GNA14: variants seen among roughly 807,000 people sequenced by gnomAD.
The protein encoded by GNA14 is G protein subunit alpha 14, also known as guanine nucleotide-binding protein subunit alpha-14.
Under a neutral mutation model 42.0 loss-of-function variants are expected in GNA14, and 50 were observed. That is an observed-to-expected ratio of 1.19 (90% CI 0.95 to 1.51). The LOEUF (loss-of-function observed/expected upper bound fraction) is 1.51. Among genes scored for constraint, GNA14 ranks in the 40% most tolerant of loss-of-function variants. GNA14 has a pLI of 0.00. For missense variants in GNA14, 473 were observed against 446.2 expected (o/e 1.06, Z -0.54); for synonymous variants, 173 against 163.1 (o/e 1.06, Z -0.46).
intron 1 of GNA14, chr9:77,580,287 A>G: frequency 3.2e-6 from 1 of 315,004 alleles, no homozygotes; most frequent in South Asian, 3.0e-5. Flanking sequence ...ATCCAGCTTC[A>G]TTCAACATTA....
chr9:77,478,718 T>G (rs1458545842), intron 2 of GNA14, among the ~76,000 whole-genome samples: 1 of 152,162 alleles, frequency 6.6e-6, no homozygotes. Flanking sequence ...ATGATTGCCA[T>G]TCTAACTGGT....
chr9:77,633,579 T>C (rs1463383313), intron 1 of GNA14, among the ~76,000 whole-genome samples: 1 of 152,066 alleles, frequency 6.6e-6, no homozygotes, highest in Non-Finnish European at 1.5e-5. Flanking sequence ...GCAGAGTGAA[T>C]AGTGAATTTG....
At chr9:77,493,026 A>AAAAAAAAT (rs1554691641) in intron 2 of GNA14, among the ~76,000 whole-genome samples, 9 of 51,718 alleles carry the variant, frequency 1.7e-4, no homozygotes, top group African/African-American at 9.0e-4. Flanking sequence ...AAAAAAAAAA[A>AAAAAAAAT]ATATATATAT....
chr9:77,605,443 T>C (rs1823631830), intron 1 of GNA14, among the ~76,000 whole-genome samples: 1 of 152,174 alleles, frequency 6.6e-6, no homozygotes, highest in South Asian at 2.1e-4. Context: ...AAGGTCACTC[T>C]CACCTTCCTC....
chr9:77,606,766 T>A (rs1457285766), intron 1 of GNA14, among the ~76,000 whole-genome samples: 4 of 152,176 alleles, frequency 2.6e-5, no homozygotes, highest in Non-Finnish European at 5.9e-5. Context: ...ATGAGCGGAA[T>A]GTTTATGTCC....
At chr9:77,559,044 T>C (rs1822837892) in intron 1 of GNA14, among the ~76,000 whole-genome samples, 1 of 152,170 alleles carries the variant, frequency 6.6e-6, no homozygotes, top group Non-Finnish European at 1.5e-5. Flanking sequence ...TTCCTCTTCC[T>C]TTTGAGCATC....
At chr9:77,548,293 T>C (rs1053979316) in intron 1 of GNA14, among the ~76,000 whole-genome samples, 1 of 152,176 alleles carries the variant, frequency 6.6e-6, no homozygotes, top group Non-Finnish European at 1.5e-5. Context: ...CTCTGGTGTG[T>C]CTGTGTCCCA....
At chr9:77,444,771 C>A (rs1325804368) in intron 2 of GNA14, among the ~76,000 whole-genome samples, 1 of 152,222 alleles carries the variant, frequency 6.6e-6, no homozygotes, top group African/African-American at 2.4e-5. Flanking sequence ...ACAGTCCACT[C>A]AATCCTATGT....
At chr9:77,524,782 G>C (rs1187056724) in intron 2 of GNA14, among the ~76,000 whole-genome samples, 3 of 151,918 alleles carry the variant, frequency 2.0e-5, no homozygotes, top group Admixed American at 2.0e-4. Flanking sequence ...TGATGAAAAT[G>C]ACCTAAACAA....
chr9:77,434,147 G>A (rs569473666), intron 3 of GNA14, among the ~76,000 whole-genome samples: 1 of 152,182 alleles, frequency 6.6e-6, no homozygotes, highest in African/African-American at 2.4e-5. Context: ...GAGCAGGCGG[G>A]TGTCGGCAGG....
chr9:77,529,664 T>TA (rs1837499453), intron 1 of GNA14, among the ~76,000 whole-genome samples: 1 of 152,162 alleles, frequency 6.6e-6, no homozygotes, highest in African/African-American at 2.4e-5. Flanking sequence ...TCCTTTCAGA[T>TA]ACACAAATAT....
In GNA14 at chr9:77,542,957, C is replaced by G. The variant is rs115092300; in HGVS notation, c.125-13704G>C. On this transcript the variant is annotated intron_variant, in intron 1 of 6. Transcript: ENST00000341700. ...CCAACCAGTCCACAGGCCACTGGCACAATGTTCAGGTGGGGGCAGCAGTGC... is the reference window on the plus strand; with the variant it reads ...CCAACCAGTCCACAGGCCACTGGCAGAATGTTCAGGTGGGGGCAGCAGTGC... Among the ~76,000 whole-genome samples the G allele has an allele frequency of 4.9e-3, 744 of 152,270 alleles. 5 individuals carry two copies. The highest frequency in any genetic ancestry group is 0.017 in the African/African-American group (691 of 41,572).
intron 1 of GNA14, among the ~76,000 whole-genome samples, chr9:77,626,753 A>G (rs1393244362): frequency 1.3e-5 from 2 of 152,240 alleles, no homozygotes; most frequent in African/African-American, 4.8e-5. Context: ...AAGTAAATTT[A>G]TAGCACTAAA....
At chr9:77,623,895 T>A (rs947562949) in intron 1 of GNA14, among the ~76,000 whole-genome samples, 2 of 152,034 alleles carry the variant, frequency 1.3e-5, no homozygotes, top group African/African-American at 4.8e-5. Flanking sequence ...ACCCCAGTGG[T>A]GCCTGGAACG....
intron 1 of GNA14, among the ~76,000 whole-genome samples, chr9:77,574,150 T>C (rs1004595748): frequency 2.6e-5 from 4 of 151,950 alleles, no homozygotes; most frequent in African/African-American, 9.7e-5. Flanking sequence ...AAAATTAAAA[T>C]TAAGCAAAAA....
intron 1 of GNA14, among the ~76,000 whole-genome samples, chr9:77,619,838 G>A (rs928074005): frequency 6.6e-6 from 1 of 152,030 alleles, no homozygotes; most frequent in South Asian, 2.1e-4. Context: ...CAGTCCATGA[G>A]CCATTTTTAT....
At chr9:77,450,712 A>C (rs1835889346) in intron 2 of GNA14, among the ~76,000 whole-genome samples, 1 of 151,782 alleles carries the variant, frequency 6.6e-6, no homozygotes, top group Non-Finnish European at 1.5e-5. Context: ...CTAAGATAGC[A>C]CTTGATATGG....
intron 3 of GNA14, among the ~76,000 whole-genome samples, chr9:77,432,100 G>T (rs1220019116): frequency 7.2e-6 from 1 of 139,790 alleles, no homozygotes; most frequent in Non-Finnish European, 1.5e-5. Context: ...TAAAATAAGA[G>T]AATCCTTTAA....
chr9:77,468,841 C>G (rs868474212), intron 2 of GNA14, among the ~76,000 whole-genome samples: 1 of 152,222 alleles, frequency 6.6e-6, no homozygotes, highest in Non-Finnish European at 1.5e-5. Flanking sequence ...GTTGCGTGAG[C>G]AAGAAATAAA....
Sources: allele counts gnomAD v4.1 joint callset (sites outside exome capture counted in the v4.1 genomes callset), GRCh38; gene constraint gnomAD v4.1.1; transcripts MANE v1.5; gene names NCBI Gene and HGNC (gene_info 2026-07-23, HGNC 2026-07-21).